The following GLI2 variants were observed in gnomAD, a reference collection of about 807,000 sequenced individuals.
The protein encoded by GLI2 is transcription activator GLI2.
In GLI2, 22 loss-of-function variants were observed where a neutral mutation model predicts 78.9. That is an observed-to-expected ratio of 0.28 (90% confidence interval 0.20 to 0.40). GLI2 has a LOEUF of 0.40. GLI2 is among the 10% of genes least tolerant of loss of function. The pLI is 1.00. For missense variants in GLI2, 2,097 were observed against 2,213.2 expected (o/e 0.95, Z 1.05); for synonymous variants, 974 against 963.7 (o/e 1.01, Z -0.20).
chr2:120,846,930 TG>T (rs1013340823), intron 2 of GLI2, among the ~76,000 whole-genome samples: 4 of 152,362 alleles, frequency 2.6e-5, no homozygotes, highest in African/African-American at 9.6e-5. Context: ...TTGCAGCTCC[TG>T]GGAGCAAGCA....
rs1440006888 is a variant in GLI2, at chr2:120,927,411, C to T, written c.199C>T (p.Arg67Ter). The T allele has an allele frequency of 1.1e-5, 17 of 1,613,826 alleles. No individual in the cohort carries two copies. Among genetic ancestry groups the T allele is most frequent in the Admixed American group, 3.3e-5 (2 of 60,006 alleles). ...CCATGCGCCCCTACCGATTGACATG[C>T]GACACCAGGAAGGAAGGTACCATTA... ...PFHAPLPIDM[R>*]HQEGRYHYEP... Residue 67 changes from arginine (R) to a stop codon, truncating the protein, a stop_gained, in exon 3 of 14, where the codon CGA (arginine) becomes TGA (stop). Transcript: ENST00000361492. LOFTEE classifies it high-confidence loss of function.
In GLI2 at chr2:120,771,189, G is replaced by A. The variant is rs531165366; in HGVS notation, c.-30-26102G>A. On this transcript the variant is annotated intron_variant, in intron 1 of 13. Transcript: ENST00000361492. ...TTCACTGTGCTCTGCATGAGGAGGC[G>A]GGCCGGCACAGAGAGTGGTGGCAGC... is the stretch of plus-strand genomic sequence containing the variant. Among the ~76,000 whole-genome samples the A allele has an allele frequency of 4.2e-3, 638 of 152,306 alleles. 5 individuals are homozygous for A. The highest frequency in any genetic ancestry group is 0.013 in the African/African-American group (551 of 41,550).
intron 2 of GLI2, among the ~76,000 whole-genome samples, chr2:120,845,009 A>G (rs1314840496): frequency 6.6e-6 from 1 of 152,140 alleles, no homozygotes; most frequent in Non-Finnish European, 1.5e-5. Context: ...ACGGTGGCTC[A>G]TATCTATAAT....
chr2:120,914,013 G>A (rs760516360), intron 2 of GLI2, among the ~76,000 whole-genome samples: 109 of 152,252 alleles, frequency 7.2e-4, no homozygotes, highest in Non-Finnish European at 1.2e-3. Context: ...GGGCTCTGCA[G>A]GGAAGGGGCT....
chr2:120,987,216 T>C (rs1573735605), intron 13 of GLI2, among the ~76,000 whole-genome samples: 1 of 152,220 alleles, frequency 6.6e-6, no homozygotes, highest in Non-Finnish European at 1.5e-5. Flanking sequence ...TCTTGGGTAC[T>C]GACTCTGTGC....
At chr2:120,868,469 C>A (rs141067828) in intron 2 of GLI2, among the ~76,000 whole-genome samples, 5 of 152,350 alleles carry the variant, frequency 3.3e-5, no homozygotes, top group East Asian at 3.9e-4. Context: ...GCCCTGCCTT[C>A]TGGGCCCCAG....
intron 2 of GLI2, among the ~76,000 whole-genome samples, chr2:120,864,173 T>C (rs2104650270): frequency 6.6e-6 from 1 of 152,302 alleles, no homozygotes; most frequent in South Asian, 2.1e-4. Flanking sequence ...ATGGTCTTCC[T>C]GCAGGGCTGG....
At chr2:120,966,418 G>A (rs979875198) in intron 5 of GLI2, among the ~76,000 whole-genome samples, 9 of 152,180 alleles carry the variant, frequency 5.9e-5, no homozygotes, top group African/African-American at 2.2e-4. Flanking sequence ...TTCCAGTCCA[G>A]GTCTCCATCC....
At chr2:120,833,881 T>A (rs955562657) in intron 2 of GLI2, among the ~76,000 whole-genome samples, 2 of 152,212 alleles carry the variant, frequency 1.3e-5, no homozygotes, top group African/African-American at 4.8e-5. Context: ...TCCACAAGTC[T>A]TCAAAGTCAT....
chr2:120,960,927 C>T (rs904719503), intron 5 of GLI2, among the ~76,000 whole-genome samples: 14 of 152,162 alleles, frequency 9.2e-5, no homozygotes, highest in African/African-American at 1.7e-4. Context: ...AAGACAGGAG[C>T]GCTGCTGTGT....
chr2:120,913,033 C>T (rs1678909772), intron 2 of GLI2, among the ~76,000 whole-genome samples: 1 of 152,210 alleles, frequency 6.6e-6, no homozygotes, highest in African/African-American at 2.4e-5. Flanking sequence ...AGAAAAATAA[C>T]TGTGTTTTCA....
chr2:120,904,837 A>G (rs1678441699), intron 2 of GLI2, among the ~76,000 whole-genome samples: 1 of 152,106 alleles, frequency 6.6e-6, no homozygotes, highest in South Asian at 2.1e-4. Flanking sequence ...GGGGTGGATG[A>G]TGTCTCTCCC....
chr2:120,972,101 G>A (rs1682211301), intron 8 of GLI2, 38 bp downstream of exon 8: 2 of 1,611,340 alleles, frequency 1.2e-6, no homozygotes, highest in African/African-American at 2.7e-5. Flanking sequence ...CCTCCAGCTA[G>A]GACCAGGCTT....
intron 2 of GLI2, among the ~76,000 whole-genome samples, chr2:120,865,799 C>T (rs923409636): frequency 6.6e-6 from 1 of 152,232 alleles, no homozygotes; most frequent in East Asian, 1.9e-4. Flanking sequence ...TAGTGCCAGC[C>T]AACGCCTGCT....
chr2:120,794,225 C>T (rs1350652430), intron 1 of GLI2, among the ~76,000 whole-genome samples: 4 of 152,134 alleles, frequency 2.6e-5, no homozygotes, highest in African/African-American at 9.7e-5. Flanking sequence ...TGAGTGGCAT[C>T]TTGAGAGTAA....
chr2:120,978,734 T>A, intron 10 of GLI2, 151 bp downstream of exon 10: 2 of 862,300 alleles, frequency 2.3e-6, no homozygotes, highest in Non-Finnish European at 1.8e-6. Context: ...GTTCCCACCC[T>A]GCCTGTTTGG....
In GLI2 at chr2:120,983,947, GTGTGTGT is replaced by G. The variant is rs1335005257; in HGVS notation, c.1633-523_1633-517del. ...TTTTTCTGTAGACGTGGTGTGTGGG[GTGTGTGT>G]GTGTGTGTGTGTGTGTGTGTGTGTG... On this transcript the variant is annotated intron_variant, in intron 11 of 13. Transcript: ENST00000361492. Among the ~76,000 whole-genome samples, 8 of 23,974 alleles carry G rather than the reference GTGTGTGT, an allele frequency of 3.3e-4. No individual in the cohort carries two copies. In the Admixed American group the frequency reaches 3.4e-3, roughly 10 times the overall value. The allele number at this position is 23,974 out of a possible 152,430, so 15.7% of individuals were successfully genotyped here.
intron 1 of GLI2, among the ~76,000 whole-genome samples, chr2:120,773,746 C>G (rs1450595297): frequency 6.6e-6 from 1 of 152,080 alleles, no homozygotes. Context: ...GGCCTTGGGG[C>G]TCAAAGTGGG....
At chr2:120,784,571 A>G (rs148844190) in intron 1 of GLI2, among the ~76,000 whole-genome samples, 158 of 152,180 alleles carry the variant, frequency 1.0e-3, no homozygotes, top group African/African-American at 3.4e-3. Flanking sequence ...CATTCTGCAG[A>G]CAGTGGGGAG....
Sources: gnomAD v4.1 joint callset for allele counts (sites outside exome capture counted in the v4.1 genomes callset) on GRCh38, gnomAD v4.1.1 for gene constraint, MANE v1.5 for transcripts, NCBI Gene and HGNC (gene_info 2026-07-23, HGNC 2026-07-21) for gene names.